RAPGEF4: variants seen among roughly 807,000 people sequenced by gnomAD.
RAPGEF4 encodes the protein Rap guanine nucleotide exchange factor 4.
Under a neutral mutation model 147.9 loss-of-function variants are expected in RAPGEF4, and 66 were observed. That is an observed-to-expected ratio of 0.45 (90% CI 0.37 to 0.55). The LOEUF (loss-of-function observed/expected upper bound fraction) is 0.55, where lower values mean the gene tolerates loss of function less well. Among genes scored for constraint, RAPGEF4 ranks in the 20% least tolerant of loss-of-function variants. The pLI is 0.00. For missense variants in RAPGEF4, 1,071 were observed against 1,257.3 expected, an observed-to-expected ratio of 0.85 and a Z score of 2.24; for synonymous variants, 419 against 442.7, an observed-to-expected ratio of 0.95 and a Z score of 0.67.
intron 25 of RAPGEF4, 109 bp from the exon 26 acceptor site, chr2:173,030,055 A>G (rs1211665759): frequency 8.4e-6 from 6 of 715,386 alleles, no homozygotes; most frequent in African/African-American, 7.1e-5. Flanking sequence ...GCCTGTTCTC[A>G]TAAATGAGCC....
At chr2:172,781,661 C>T (rs1047862225) in intron 1 of RAPGEF4, among the ~76,000 whole-genome samples, 3 of 152,080 alleles carry the variant, frequency 2.0e-5, no homozygotes, top group East Asian at 1.9e-4. Flanking sequence ...TCCAGGACCC[C>T]GCTTGGATAC....
At chr2:172,889,774 A>G in intron 4 of RAPGEF4, 1 of 937,162 alleles carries the variant, frequency 1.1e-6, no homozygotes, top group Non-Finnish European at 1.3e-6. Context: ...TTAAAAATAT[A>G]GATAGATATT....
intron 23 of RAPGEF4, among the ~76,000 whole-genome samples, chr2:173,025,364 AT>A (rs1276701671): frequency 2.6e-5 from 4 of 152,238 alleles, no homozygotes; most frequent in Admixed American, 6.5e-5. Context: ...GAAAATGATG[AT>A]GGAACTTGTA....
At chr2:172,748,888 G>C (rs1392438869) in intron 1 of RAPGEF4, among the ~76,000 whole-genome samples, 1 of 152,172 alleles carries the variant, frequency 6.6e-6, no homozygotes, top group Non-Finnish European at 1.5e-5. Context: ...GGGAGAAATT[G>C]GCCAAAACAA....
rs1429469850 is a variant in RAPGEF4 at position 173,033,911 on chromosome 2, C to T, written c.2650-3C>T. 2 of 1,611,790 alleles carry T rather than the reference C, an allele frequency of 1.2e-6. No individual in the cohort carries two copies. The highest frequency in any genetic ancestry group is 2.2e-5 in the East Asian group (1 of 44,834). On this transcript the variant is annotated splice_polypyrimidine_tract_variant and splice_region_variant and intron_variant, in intron 26 of 30. Coordinates refer to ENST00000397081, the MANE Select transcript of RAPGEF4 (RefSeq NM_007023.4). ...GCGTGTGGCATTTTCATTTCATTAA[C>T]AGAAACTGCCAAGCAAGTTCAAGAA...
At chr2:172,751,774 G>T (rs988940089) in intron 1 of RAPGEF4, among the ~76,000 whole-genome samples, 2 of 152,196 alleles carry the variant, frequency 1.3e-5, no homozygotes, top group Non-Finnish European at 2.9e-5. Context: ...AGTGCCTGTG[G>T]TGCAAACACA....
rs79167858 is a variant in RAPGEF4, at chr2:172,917,857, C to T, written c.500C>T (p.Thr167Met). ...GCTCCTCCTTATGGTGTTATGGAAA[C>T]GGGCTCTAACAATGACAGTAAGTGG... ...LLAPPYGVME[T>M]GSNNDRIPDK... The change falls in exon 5 of 31, where the codon ACG (threonine) becomes ATG (methionine). Residue 167 changes from threonine to methionine, a missense_variant. Physicochemically the swap from Thr to Met is moderately conservative, Grantham distance 81. Coordinates refer to ENST00000397081, the MANE Select transcript of RAPGEF4 (RefSeq NM_007023.4). 8.7e-6 allele frequency: 14 copies of T among 1,613,376 alleles called. No individual in the cohort carries two copies. Among genetic ancestry groups the T allele is most frequent in the African/African-American group, 2.7e-5 (2 of 74,882 alleles).
At chr2:172,818,339 A>T (rs1374362813) in intron 4 of RAPGEF4, among the ~76,000 whole-genome samples, 1 of 152,168 alleles carries the variant, frequency 6.6e-6, no homozygotes, top group African/African-American at 2.4e-5. Flanking sequence ...TTGGAATTTT[A>T]AAAAAGAGAA....
chr2:172,995,245 TTGTGTGTGTG>T (rs71018528), intron 15 of RAPGEF4, among the ~76,000 whole-genome samples: 3,290 of 138,616 alleles, frequency 0.024, 119 homozygotes, highest in Admixed American at 0.11. Flanking sequence ...ACTTGCCTGT[TTGTGTGTGTG>T]TGTGTGTGTG....
chr2:172,824,130 A>G (rs778883760), intron 4 of RAPGEF4, among the ~76,000 whole-genome samples: 1 of 152,228 alleles, frequency 6.6e-6, no homozygotes. Context: ...GTATCAAAAT[A>G]TATTATTTGG....
At chr2:172,849,569 C>T (rs1692585859) in intron 4 of RAPGEF4, among the ~76,000 whole-genome samples, 1 of 152,238 alleles carries the variant, frequency 6.6e-6, no homozygotes, top group Non-Finnish European at 1.5e-5. Context: ...AGATTGCTCT[C>T]TTCAGGGCCT....
At chr2:173,014,322 T>G in intron 17 of RAPGEF4, 142 bp from the exon 18 acceptor site, 1 of 1,005,106 alleles carries the variant, frequency 9.9e-7, no homozygotes, top group Non-Finnish European at 1.5e-6. Flanking sequence ...TTCTGTGGGG[T>G]TTTTCATGAG....
chr2:172,850,589 G>A (rs1213063085), intron 4 of RAPGEF4, among the ~76,000 whole-genome samples: 1 of 151,736 alleles, frequency 6.6e-6, no homozygotes, highest in Admixed American at 6.6e-5. Context: ...CTGCACTCCA[G>A]CCTGGGCCAC....
At chr2:172,947,732 G>A (rs1487767198) in intron 6 of RAPGEF4, among the ~76,000 whole-genome samples, 2 of 152,116 alleles carry the variant, frequency 1.3e-5, no homozygotes, top group African/African-American at 4.8e-5. Flanking sequence ...CTGTATAAGA[G>A]AGGGTTGGTA....
chr2:172,761,710 AAGG>A (rs1342681488), intron 1 of RAPGEF4, among the ~76,000 whole-genome samples: 1 of 152,216 alleles, frequency 6.6e-6, no homozygotes, highest in Non-Finnish European at 1.5e-5. Flanking sequence ...GCACAGGAGA[AAGG>A]AGATTGAATT....
At chr2:172,911,002 T>A (rs2676502) in intron 4 of RAPGEF4, among the ~76,000 whole-genome samples, 78,975 of 151,954 alleles carry the variant, frequency 0.52, 21,000 homozygotes, top group East Asian at 0.67. Flanking sequence ...GTTATATTCA[T>A]CTTTAGAAAA....
chr2:172,845,505 A>T (rs1692082544), intron 4 of RAPGEF4, among the ~76,000 whole-genome samples: 1 of 152,128 alleles, frequency 6.6e-6, no homozygotes, highest in Admixed American at 6.5e-5. Context: ...AGGCAGCAAA[A>T]AAATTGCTTA....
At chr2:172,752,213 T>C (rs112168957) in intron 1 of RAPGEF4, among the ~76,000 whole-genome samples, 206 of 152,324 alleles carry the variant, frequency 1.4e-3, no homozygotes, top group African/African-American at 4.4e-3. Flanking sequence ...GTTTCACTAG[T>C]GATGAATTTG....
intron 4 of RAPGEF4, among the ~76,000 whole-genome samples, chr2:172,867,894 A>G (rs1325325716): frequency 6.6e-6 from 1 of 152,256 alleles, no homozygotes; most frequent in African/African-American, 2.4e-5. Context: ...GATTTGGATC[A>G]GGAAAATAAA....
Sources: gnomAD v4.1 joint callset for allele counts (sites outside exome capture counted in the v4.1 genomes callset) on GRCh38, gnomAD v4.1.1 for gene constraint, MANE v1.5 for transcripts, NCBI Gene and HGNC (gene_info 2026-07-23, HGNC 2026-07-21) for gene names.